RIC3: variants seen among roughly 807,000 people sequenced by gnomAD.
The protein encoded by RIC3 is protein RIC-3.
A neutral mutation model predicts 27.3 loss-of-function variants in RIC3; 28 were observed. That is an observed-to-expected ratio of 1.02 (90% CI 0.76 to 1.41). The LOEUF is 1.41. Ranked by LOEUF, RIC3 falls within the 40% of genes most tolerant of loss-of-function variation. The pLI, the probability that RIC3 is intolerant of heterozygous loss-of-function variation, is 0.00. For synonymous variants in RIC3, 184 were observed against 160.4 expected (o/e 1.15, Z -1.11); for missense variants, 501 against 444.7 (o/e 1.13, Z -1.14).
Position 8,132,293 on chromosome 11 carries a change from A to G in RIC3, c.521+5085T>C, listed in dbSNP as rs867925611. On this transcript the variant is annotated intron_variant, in intron 4 of 5. Transcript: ENST00000309737. ...ATTACCATTTACTGAAACCTTTTCAATAATCTTCTAGCATGTAGTCACTCT... is the reference window on the plus strand; with the variant it reads ...ATTACCATTTACTGAAACCTTTTCAGTAATCTTCTAGCATGTAGTCACTCT... Among the ~76,000 whole-genome samples the G allele has an allele frequency of 5.9e-5, 9 of 152,196 alleles. No homozygotes were observed. In the South Asian group the frequency reaches 1.9e-3, roughly 32 times the overall value.
rs189943689 is a variant in RIC3 at position 8,132,002 on chromosome 11, C to G, written c.522-5195G>C. Among the ~76,000 whole-genome samples the G allele has an allele frequency of 8.0e-5, 12 of 149,650 alleles. No homozygotes were observed. The East Asian group carries it at 2.0e-3, about 25-fold the overall frequency. On this transcript the variant is annotated intron_variant, in intron 4 of 5. Transcript: ENST00000309737. ...ACACAGTGAACAAAATAGGCTAAGT[C>G]TAGCCTCAAAGAGTTTACATTCCAG...
intron 1 of RIC3, among the ~76,000 whole-genome samples, chr11:8,158,063 TCTTCAGGCA>T (rs1232531590): frequency 1.3e-5 from 2 of 152,220 alleles, no homozygotes; most frequent in African/African-American, 4.8e-5. Context: ...AATATATTTG[TCTTCAGGCA>T]CTTACATACC....
At chr11:8,105,008 T>G (rs947710838), downstream of RIC3, 10 of 151,878 alleles carry the variant, frequency 6.6e-5, no homozygotes, top group East Asian at 7.8e-4. Flanking sequence ...GAGGTAATTC[T>G]AAATTTAACA....
At chr11:8,139,853 G>A (rs1026630716) in intron 2 of RIC3, 114 bp downstream of exon 2, 7 of 910,332 alleles carry the variant, frequency 7.7e-6, no homozygotes, top group Non-Finnish European at 9.9e-6. Context: ...GATTTAAAGA[G>A]ATGATGGATT....
rs1944895202 is a variant in RIC3 at position 8,108,324 on chromosome 11, T to C, written c.*2374A>G. On this transcript the variant is annotated 3_prime_UTR_variant, in exon 6 of 6. Coordinates refer to ENST00000309737, the MANE Select transcript of RIC3 (RefSeq NM_001206671.4). ...TGCCTACCTGAAGAAGTTCTTTGCA[T>C]GCCTCAAGGCCCACCTCCCAAGAAA... is the stretch of plus-strand genomic sequence containing the variant. 6.6e-6 allele frequency: 1 copy of C among 152,224 alleles called. No individual in the cohort carries two copies. Among genetic ancestry groups the C allele is most frequent in the Non-Finnish European group, 1.5e-5 (1 of 68,040 alleles). The allele number at this position is 152,224 out of a possible 1,614,324, so 9.4% of individuals were successfully genotyped here. A position where few individuals can be genotyped will look rare whatever the true frequency, so the allele number is the denominator to read the frequency against.
chr11:8,140,958 A>G (rs1206402410), intron 1 of RIC3, among the ~76,000 whole-genome samples: 3 of 149,906 alleles, frequency 2.0e-5, no homozygotes, highest in African/African-American at 7.4e-5. Context: ...GAGAAATAAA[A>G]TACTTTACAG....
chr11:8,100,836 C>T, the RIC3 span: 7 of 1,614,048 alleles, frequency 4.3e-6, no homozygotes, highest in East Asian at 1.3e-4. Flanking sequence ...GAGCATGAGA[C>T]ACTGCTAGCA....
At chr11:8,095,724 A>G in the RIC3 span, 1 of 1,515,666 alleles carries the variant, frequency 6.6e-7, no homozygotes, top group Non-Finnish European at 8.9e-7. Flanking sequence ...TCTCAGATGC[A>G]CCTTTCTCTG....
intron 1 of RIC3, among the ~76,000 whole-genome samples, chr11:8,162,358 C>T (rs1353594280): frequency 3.3e-5 from 5 of 152,242 alleles, no homozygotes; most frequent in African/African-American, 1.2e-4. Flanking sequence ...CTTGGTGATG[C>T]TCATGATGTC....
intron 5 of RIC3, among the ~76,000 whole-genome samples, chr11:8,118,798 G>A (rs1174434541): frequency 6.6e-6 from 1 of 151,718 alleles, no homozygotes; most frequent in African/African-American, 2.4e-5. Context: ...TTGAACCCAG[G>A]CAGCGAAGGT....
At chr11:8,137,261 T>G in intron 4 of RIC3, 117 bp downstream of exon 4, 3 of 785,530 alleles carry the variant, frequency 3.8e-6, no homozygotes, top group South Asian at 3.2e-5. Flanking sequence ...TGACCTCAGA[T>G]GATCCACCCA....
At chr11:8,093,250 C>T in the RIC3 span, among the ~76,000 whole-genome samples, 5 of 151,152 alleles carry the variant, frequency 3.3e-5, no homozygotes, top group Admixed American at 6.6e-5. Flanking sequence ...CTGAGGGGGG[C>T]GAGGGGGAGG....
Position 8,121,916 on chromosome 11 carries a change from G to A in RIC3, c.670+4743C>T, listed in dbSNP as rs193216551. On this transcript the variant is annotated intron_variant, in intron 5 of 5. Transcript: ENST00000309737. ...CCTTTTTTATTTTGAGATAATTATA[G>A]ATTCACAGGCAGCATATAAGAAATA... 2.6e-3 allele frequency among the ~76,000 whole-genome samples: 393 copies of A among 151,994 alleles called. 2 individuals carry two copies. Among genetic ancestry groups the A allele is most frequent in the African/African-American group, 9.2e-3 (380 of 41,412 alleles).
intron 5 of RIC3, among the ~76,000 whole-genome samples, chr11:8,121,513 C>G (rs1024138988): frequency 1.3e-5 from 2 of 151,966 alleles, no homozygotes; most frequent in Admixed American, 1.3e-4. Flanking sequence ...GCCAGGAGTT[C>G]AAGACCAGCC....
chr11:8,101,227 G>A (rs1944286855), downstream of RIC3, among the ~76,000 whole-genome samples: 1 of 152,188 alleles, frequency 6.6e-6, no homozygotes, highest in South Asian at 2.1e-4. Context: ...CTCAGGCACG[G>A]GAACACCCTT....
At chr11:8,158,637 A>T (rs1207258891) in intron 1 of RIC3, among the ~76,000 whole-genome samples, 1 of 150,946 alleles carries the variant, frequency 6.6e-6, no homozygotes, top group Non-Finnish European at 1.5e-5. Flanking sequence ...TGATGAAATG[A>T]AAGGAGAACC....
chr11:8,104,978 T>TTAAA (rs953025698), downstream of RIC3: 2 of 147,146 alleles, frequency 1.4e-5, no homozygotes, highest in Non-Finnish European at 3.0e-5. Flanking sequence ...CATTTACCTC[T>TTAAA]TAAATAAACT....
At chr11:8,122,209 C>T (rs1339639935) in intron 5 of RIC3, among the ~76,000 whole-genome samples, 1 of 152,138 alleles carries the variant, frequency 6.6e-6, no homozygotes, top group East Asian at 1.9e-4. Context: ...CCACAAGGAC[C>T]CCTTATGTTG....
intron 5 of RIC3, among the ~76,000 whole-genome samples, chr11:8,115,996 C>T (rs578225357): frequency 3.9e-5 from 6 of 152,292 alleles, no homozygotes; most frequent in African/African-American, 1.4e-4. Flanking sequence ...ATTCCCAAAT[C>T]TACTACAAAG....
Sources: gnomAD v4.1 joint callset for allele counts (sites outside exome capture counted in the v4.1 genomes callset) on GRCh38, gnomAD v4.1.1 for gene constraint, MANE v1.5 for transcripts, NCBI Gene and HGNC (gene_info 2026-07-23, HGNC 2026-07-21) for gene names.